The following MADD variants were observed in gnomAD, a reference collection of about 807,000 sequenced individuals.
MADD encodes MAP kinase-activating death domain protein.
A neutral mutation model predicts 176.7 loss-of-function variants in MADD; 109 were observed. That is an observed-to-expected ratio of 0.62 (90% CI 0.53 to 0.72). The LOEUF is 0.72. Among genes scored for constraint, MADD ranks in the 30% least tolerant of loss-of-function variants. The pLI, the probability that MADD is intolerant of heterozygous loss-of-function variation, is 0.00. For missense variants in MADD, 1,914 were observed against 2,045.5 expected, an observed-to-expected ratio of 0.94 and a Z score of 1.24; for synonymous variants, 771 against 771.3, an observed-to-expected ratio of 1.00 and a Z score of 0.01.
chr11:47,296,690 A>G (rs2072336353), intron 22 of MADD, among the ~76,000 whole-genome samples: 1 of 152,040 alleles, frequency 6.6e-6, no homozygotes, highest in Non-Finnish European at 1.5e-5. Context: ...TCCCTAGATC[A>G]CACAGTAAGC....
intron 22 of MADD, among the ~76,000 whole-genome samples, chr11:47,300,347 C>T (rs2076701035): frequency 6.6e-6 from 1 of 151,604 alleles, no homozygotes; most frequent in Admixed American, 6.6e-5. Flanking sequence ...GCTGGGATTA[C>T]AGGCGCCCAC....
exon 26 of MADD, chr11:47,311,747 A>G: frequency 6.2e-7 from 1 of 1,612,274 alleles, no homozygotes; most frequent in Non-Finnish European, 8.5e-7. Context: ...TAAGAATGAC[A>G]TCCGCAAGAA....
intron 2 of MADD, 67 bp from the exon 3 acceptor site, chr11:47,274,496 C>A: frequency 1.6e-6 from 2 of 1,257,980 alleles, no homozygotes; most frequent in Admixed American, 2.0e-5. Flanking sequence ...TATTTGTTGA[C>A]TGTGGTTAAA....
At chr11:47,327,087 G>A in intron 31 of MADD, 7 of 1,156,998 alleles carry the variant, frequency 6.1e-6, no homozygotes, top group African/African-American at 1.6e-5. Flanking sequence ...ACCTCCCCGT[G>A]CTGGGCCAGC....
At chr11:47,273,790 C>T (rs988976196) in intron 1 of MADD, 37 bp from the exon 2 acceptor site, 1 of 760,024 alleles carries the variant, frequency 1.3e-6, no homozygotes, top group Non-Finnish European at 2.3e-6. Flanking sequence ...CCCTTAGGCA[C>T]AGCAGTGGAT....
chr11:47,296,086 ATTTC>A, intron 22 of MADD, 31 bp downstream of exon 24: 2 of 1,587,886 alleles, frequency 1.3e-6, no homozygotes, highest in South Asian at 2.3e-5. Flanking sequence ...AAAGAAAACC[ATTTC>A]TTTAATGGGG....
exon 10 of MADD, chr11:47,282,855 A>G: frequency 3.1e-6 from 5 of 1,614,146 alleles, no homozygotes; most frequent in Non-Finnish European, 4.2e-6. Context: ...CCAAAGTGGT[A>G]TGCTCATCAG....
At chr11:47,278,053 A>G in intron 5 of MADD, 112 bp from the exon 6 acceptor site, 1 of 748,616 alleles carries the variant, frequency 1.3e-6, no homozygotes, top group East Asian at 2.5e-5. Flanking sequence ...TGGCCTCAAG[A>G]GTTTTGGAAG....
Position 47,281,527 on chromosome 11 carries a change from C to T in MADD, c.1291-48C>T, listed in dbSNP as rs969895983. 5.5e-6 allele frequency: 8 copies of T among 1,451,652 alleles called. No individual in the cohort carries two copies. The Admixed American group carries it at 1.2e-4, about 22-fold the overall frequency. 89.9% of individuals were successfully genotyped at this position (1,451,652 alleles called of 1,614,324 possible). A position where few individuals can be genotyped will look rare whatever the true frequency, so the allele number is the denominator to read the frequency against. Reference sequence around the variant, plus strand: ...TTTCCTTGGAGTTAAGATTGGCTAGCTGCCCAGGGACGTTCCTTGTGTAAG... The same window carrying T: ...TTTCCTTGGAGTTAAGATTGGCTAGTTGCCCAGGGACGTTCCTTGTGTAAG... On this transcript the variant is annotated intron_variant, in intron 7 of 32. Coordinates refer to ENST00000402192, the Ensembl canonical transcript of MADD.
At chr11:47,294,964 G>A (rs2069571428) in intron 20 of MADD, among the ~76,000 whole-genome samples, 1 of 151,742 alleles carries the variant, frequency 6.6e-6, no homozygotes, top group East Asian at 1.9e-4. Flanking sequence ...ATTCTTTCAT[G>A]TATTTTCTAC....
chr11:47,290,106 CA>C (rs773690241), intron 17 of MADD, 42 bp from the exon 19 acceptor site: 83 of 1,612,552 alleles, frequency 5.1e-5, no homozygotes, highest in Non-Finnish European at 7.0e-5. Context: ...ATGTGAACAC[CA>C]CAGGCAATTT....
At chr11:47,298,481 C>A (rs936185815) in intron 22 of MADD, among the ~76,000 whole-genome samples, 5 of 152,184 alleles carry the variant, frequency 3.3e-5, no homozygotes, top group Admixed American at 3.3e-4. Flanking sequence ...TGTATGTCTT[C>A]TTTTGAGAGA....
intron 15 of MADD, among the ~76,000 whole-genome samples, chr11:47,287,316 C>T (rs567774533): frequency 3.9e-5 from 6 of 152,046 alleles, no homozygotes; most frequent in African/African-American, 1.4e-4. Context: ...AGCAAGACTC[C>T]GTCTTAAAAA....
chr11:47,317,127 C>G (rs1256679369), intron 27 of MADD, among the ~76,000 whole-genome samples: 2 of 152,164 alleles, frequency 1.3e-5, no homozygotes, highest in Non-Finnish European at 2.9e-5. Context: ...TTGTCCTGGT[C>G]CTCTTCTGTA....
chr11:47,308,539 GTC>G (rs1458549394), intron 22 of MADD, 50 bp from the exon 25 acceptor site: 29 of 1,395,614 alleles, frequency 2.1e-5, no homozygotes, highest in Non-Finnish European at 2.8e-5. Context: ...GGTTTCCTTT[GTC>G]TCTATTCATT....
At chr11:47,323,968 C>T in intron 28 of MADD, 133 bp downstream of exon 31, 2 of 1,010,780 alleles carry the variant, frequency 2.0e-6, no homozygotes, top group Non-Finnish European at 2.9e-6. Context: ...GGGTGGAGTA[C>T]CTAAAGCTGT....
rs964758340 is a variant in MADD, at chr11:47,293,735, A to G, written c.3302-148A>G. ...AAGGCATCTGGGGTCCTCTTTTTCCAGTGGGTCCTGAGTGGGGGGTAGTCC... is the reference window on the plus strand; with the variant it reads ...AAGGCATCTGGGGTCCTCTTTTTCCGGTGGGTCCTGAGTGGGGGGTAGTCC... On this transcript the variant is annotated intron_variant, in intron 19 of 32. Coordinates refer to ENST00000402192, the Ensembl canonical transcript of MADD. 8.5e-6 allele frequency: 5 copies of G among 587,958 alleles called. No individual in the cohort carries two copies. In the East Asian group the frequency reaches 1.1e-4, roughly 14 times the overall value. The allele number at this position is 587,958 out of a possible 1,614,324, so 36.4% of individuals were successfully genotyped here.
At chr11:47,285,498 C>T in exon 14 of MADD, 1 of 1,614,184 alleles carries the variant, frequency 6.2e-7, no homozygotes, top group East Asian at 2.2e-5. Flanking sequence ...GCAAGTGACT[C>T]AGATGCAGAG....
chr11:47,323,159 A>T (rs2094798480), intron 27 of MADD, among the ~76,000 whole-genome samples: 1 of 150,982 alleles, frequency 6.6e-6, no homozygotes, highest in Non-Finnish European at 1.5e-5. Context: ...AATCATTTTA[A>T]CCCACAAGGC....
Sources: allele counts gnomAD v4.1 joint callset (sites outside exome capture counted in the v4.1 genomes callset), GRCh38; gene constraint gnomAD v4.1.1; transcripts MANE v1.5; gene names NCBI Gene and HGNC (gene_info 2026-07-23, HGNC 2026-07-21).